Variants in SGTB observed in about 807,000 individuals in gnomAD.
SGTB encodes small glutamine-rich tetratricopeptide repeat-containing protein beta.
A neutral mutation model predicts 43.9 loss-of-function variants in SGTB; 19 were observed. The ratio of observed to expected loss-of-function variants is 0.43; its 90% CI spans 0.30 to 0.63. The LOEUF (loss-of-function observed/expected upper bound fraction) is 0.63, where lower values mean the gene tolerates loss of function less well. Ranked by LOEUF, SGTB falls within the 30% of genes least tolerant of loss-of-function variation. The pLI, the probability that SGTB is intolerant of heterozygous loss-of-function variation, is 0.12. For synonymous variants in SGTB, 116 were observed against 117.3 expected, an observed-to-expected ratio of 0.99 and a Z score of 0.07; for missense variants, 304 against 358.9, an observed-to-expected ratio of 0.85 and a Z score of 1.24.
Position 65,713,099 on chromosome 5 carries a change from C to G in SGTB, c.101-35G>C, listed in dbSNP as rs373872347. The G allele has an allele frequency of 3.4e-6, 5 of 1,492,134 alleles. No individual in the cohort carries two copies. In the East Asian group the frequency reaches 6.9e-5, roughly 21 times the overall value. The allele number at this position is 1,492,134 out of a possible 1,614,324, so 92.4% of individuals were successfully genotyped here. On this transcript the variant is annotated intron_variant, in intron 2 of 10. Transcript: ENST00000381007. ...AATTTTAATAGTAAAAAACAATTAGCAATTTTAAAAAAGAAACAAGTTTTT... is the reference window on the plus strand; with the variant it reads ...AATTTTAATAGTAAAAAACAATTAGGAATTTTAAAAAAGAAACAAGTTTTT...
chr5:65,712,899 C>T, intron 3 of SGTB, 62 bp downstream of exon 3: 1 of 1,335,302 alleles, frequency 7.5e-7, no homozygotes, highest in Non-Finnish European at 1.1e-6. Context: ...CAGCTATTAA[C>T]AATCTATTAA....
At chr5:65,683,642 A>C (rs983641786) in intron 6 of SGTB, among the ~76,000 whole-genome samples, 1 of 151,808 alleles carries the variant, frequency 6.6e-6, no homozygotes. Flanking sequence ...GTGTAGTGTC[A>C]GGATCCTAGA....
intron 6 of SGTB, among the ~76,000 whole-genome samples, chr5:65,681,926 G>A (rs1757405659): frequency 6.6e-6 from 1 of 151,230 alleles, no homozygotes; most frequent in African/African-American, 2.4e-5. Context: ...AGTGGGCCGA[G>A]ATTGTGCCAT....
intron 5 of SGTB, among the ~76,000 whole-genome samples, chr5:65,689,090 G>A (rs148457587): frequency 3.3e-5 from 5 of 152,164 alleles, no homozygotes; most frequent in East Asian, 1.9e-4. Context: ...GATTACAGGC[G>A]TGAGCCACCA....
rs1425367299 is a variant in SGTB, at chr5:65,684,828, C to T, written c.479+540G>A. Among the ~76,000 whole-genome samples the T allele has an allele frequency of 2.0e-5, 3 of 152,202 alleles. No individual in the cohort carries two copies. In the East Asian group the frequency reaches 5.8e-4, roughly 29 times the overall value. ...TTGGCCTTCCAAAGTGCTGGGATTACAGGCGTGAGTCACCACGCCCAGCCA... is the reference window on the plus strand; with the variant it reads ...TTGGCCTTCCAAAGTGCTGGGATTATAGGCGTGAGTCACCACGCCCAGCCA... On this transcript the variant is annotated intron_variant, in intron 6 of 10. Transcript: ENST00000381007.
intron 5 of SGTB, among the ~76,000 whole-genome samples, chr5:65,694,284 T>C (rs1031046626): frequency 1.3e-5 from 2 of 151,720 alleles, no homozygotes; most frequent in Non-Finnish European, 2.9e-5. Context: ...ACAAAAAAAT[T>C]AGCTGGGCAT....
At position 65,690,553 on chromosome 5, in the gene SGTB, G is replaced by C. The variant is rs944803033; in HGVS notation, c.375-5081C>G. ...AAACCATAATCATACACAGGTTGAA[G>C]TTAAAAGGACAGCAAAAGACAAACA... is the stretch of plus-strand genomic sequence containing the variant. On this transcript the variant is annotated intron_variant, in intron 5 of 10. Transcript: ENST00000381007. Among the ~76,000 whole-genome samples, 11 of 152,170 alleles carry C rather than the reference G, an allele frequency of 7.2e-5. No homozygotes were observed. The East Asian group carries it at 1.7e-3, about 24-fold the overall frequency.
rs370808846 is a variant in SGTB at position 65,691,315 on chromosome 5, A to G, written c.375-5843T>C. 2.0e-4 allele frequency among the ~76,000 whole-genome samples: 30 copies of G among 152,340 alleles called. 1 individual carries two copies. The highest frequency in any genetic ancestry group is 1.4e-3 in the East Asian group (7 of 5,182). ...ATACATCCTCCACTGAAAAGGACAG[A>G]GCTTCCTTGGAGAAATAGTTGAGCT... On this transcript the variant is annotated intron_variant, in intron 5 of 10. Transcript: ENST00000381007.
chr5:65,722,916 C>G (rs1314042288), upstream of SGTB: 2 of 153,034 alleles, frequency 1.3e-5, no homozygotes, highest in Non-Finnish European at 2.9e-5. Context: ...TTTTATTTTC[C>G]TCCTCCCCAT....
In SGTB at chr5:65,685,245, T is replaced by C. The variant is rs1757476343; in HGVS notation, c.479+123A>G. ...AATTGTAGTCATTTCCTCCCTTATG[T>C]TTTATTTATCCTCTTATTAGTTCAG... On this transcript the variant is annotated intron_variant, in intron 6 of 10. Coordinates refer to ENST00000381007, the MANE Select transcript of SGTB (RefSeq NM_019072.3). The C allele has an allele frequency of 5.3e-6, 4 of 756,704 alleles. No homozygotes were observed. The Admixed American group carries it at 7.7e-5, about 15-fold the overall frequency. 46.9% of individuals were successfully genotyped at this position (756,704 alleles called of 1,614,324 possible). A position where few individuals can be genotyped will look rare whatever the true frequency, so the allele number is the denominator to read the frequency against.
chr5:65,691,773 C>CA (rs916501490), intron 5 of SGTB, among the ~76,000 whole-genome samples: 6 of 150,496 alleles, frequency 4.0e-5, no homozygotes, highest in East Asian at 2.0e-4. Context: ...ACTAAAAATA[C>CA]AAAAAAAATT....
Position 65,672,682 on chromosome 5 carries a change from C to T in SGTB, c.682-401G>A, listed in dbSNP as rs147648205. Among the ~76,000 whole-genome samples the T allele has an allele frequency of 7.0e-3, 1,070 of 152,304 alleles. 11 individuals carry two copies. Among genetic ancestry groups the T allele is most frequent in the African/African-American group, 0.025 (1,024 of 41,546 alleles). The stretch of plus-strand genomic sequence containing the variant: ...TCCATGGGGCCCAGCAATTTCAATC[C>T]TTCCCATGCTTACAGTGGCACAAGG... On this transcript the variant is annotated intron_variant, in intron 8 of 10. Coordinates refer to ENST00000381007, the MANE Select transcript of SGTB (RefSeq NM_019072.3).
chr5:65,689,178 C>T (rs778957199), intron 5 of SGTB, among the ~76,000 whole-genome samples: 1 of 152,162 alleles, frequency 6.6e-6, no homozygotes, highest in Non-Finnish European at 1.5e-5. Context: ...CTTCCCAAAA[C>T]ACTAGTCATT....
intron 6 of SGTB, among the ~76,000 whole-genome samples, chr5:65,682,170 T>C (rs1197462989): frequency 1.3e-5 from 2 of 151,988 alleles, no homozygotes; most frequent in Non-Finnish European, 2.9e-5. Flanking sequence ...AGCATTGTAG[T>C]GGAAATAGCA....
At chr5:65,685,572 T>A (rs984181469) in intron 5 of SGTB, 100 bp from the exon 6 acceptor site, 1 of 843,594 alleles carries the variant, frequency 1.2e-6, no homozygotes, top group Non-Finnish European at 1.9e-6. Context: ...TTCCAATTTG[T>A]AGATCACTCC....
chr5:65,693,732 A>G (rs1757663527), intron 5 of SGTB, among the ~76,000 whole-genome samples: 1 of 152,216 alleles, frequency 6.6e-6, no homozygotes, highest in Admixed American at 6.5e-5. Flanking sequence ...GATGAAGAGA[A>G]TATCTCCCTG....
At chr5:65,670,848 C>T (rs1349703206) in intron 10 of SGTB, among the ~76,000 whole-genome samples, 1 of 152,126 alleles carries the variant, frequency 6.6e-6, no homozygotes, top group Non-Finnish European at 1.5e-5. Context: ...AAAGGTCATT[C>T]TAAAAATGCA....
intron 5 of SGTB, among the ~76,000 whole-genome samples, chr5:65,703,435 G>A (rs910677561): frequency 1.3e-5 from 2 of 152,242 alleles, no homozygotes; most frequent in Non-Finnish European, 2.9e-5. Context: ...GACGAGTGTG[G>A]TGGCTCATGC....
chr5:65,705,581 C>T (rs544499208), intron 4 of SGTB, among the ~76,000 whole-genome samples: 2 of 152,242 alleles, frequency 1.3e-5, no homozygotes, highest in Admixed American at 1.3e-4. Context: ...TAGCCTTGTT[C>T]TTAATAGATC....
Sources: gnomAD v4.1 joint callset for allele counts (sites outside exome capture counted in the v4.1 genomes callset) on GRCh38, gnomAD v4.1.1 for gene constraint, MANE v1.5 for transcripts, NCBI Gene and HGNC (gene_info 2026-07-23, HGNC 2026-07-21) for gene names.